DPY19L2: variants seen among roughly 807,000 people sequenced by gnomAD.
The protein encoded by DPY19L2 is dpy-19 like 2.
A neutral mutation model predicts 97.9 loss-of-function variants in DPY19L2; 34 were observed. That is an observed-to-expected ratio of 0.35 (90% CI 0.26 to 0.46). The LOEUF is 0.46. DPY19L2 is among the 20% of genes least tolerant of loss of function. DPY19L2 has a pLI of 1.00. For missense variants in DPY19L2, 623 were observed against 911.4 expected (o/e 0.68, Z 4.07); for synonymous variants, 230 against 307.9 (o/e 0.75, Z 2.65).
At chr12:63,638,325 T>A (rs567729761) in intron 6 of DPY19L2, among the ~76,000 whole-genome samples, 43 of 152,046 alleles carry the variant, frequency 2.8e-4, no homozygotes, top group Non-Finnish European at 5.9e-5. Context: ...CTCTCACCAC[T>A]CCTTTTCAAC....
At chr12:63,638,803 C>A (rs1023346959) in intron 6 of DPY19L2, among the ~76,000 whole-genome samples, 11 of 152,082 alleles carry the variant, frequency 7.2e-5, no homozygotes, top group Non-Finnish European at 1.3e-4. Context: ...GATTCAATGC[C>A]ATCCCCATCA....
rs746257892 is a variant in DPY19L2 at position 63,582,529 on chromosome 12, T to C, written c.1606-4A>G. The stretch of plus-strand genomic sequence containing the variant: ...ACTGCAATGTGTGAAAAGCCAGCTA[T>C]AAAACACAAATAAGACAAAATCACA... On this transcript the variant is annotated splice_polypyrimidine_tract_variant and splice_region_variant and intron_variant, in intron 17 of 21. Transcript: ENST00000324472. The C allele has an allele frequency of 3.1e-6, 5 of 1,605,442 alleles. No homozygotes were observed. In the South Asian group the frequency reaches 3.4e-5, roughly 11 times the overall value.
intron 4 of DPY19L2, among the ~76,000 whole-genome samples, chr12:63,658,071 G>C (rs947476082): frequency 6.6e-6 from 1 of 152,156 alleles, no homozygotes; most frequent in Non-Finnish European, 1.5e-5. Context: ...GTAGGAATGA[G>C]AGTGCCATCA....
chr12:63,629,474 T>A (rs906258395), intron 6 of DPY19L2, among the ~76,000 whole-genome samples: 9 of 152,018 alleles, frequency 5.9e-5, no homozygotes, highest in Non-Finnish European at 1.2e-4. Flanking sequence ...CAGTGATGGA[T>A]GATCAAATGA....
At chr12:63,644,563 T>A in intron 5 of DPY19L2, 67 bp from the exon 6 acceptor site, 3 of 1,568,232 alleles carry the variant, frequency 1.9e-6, no homozygotes, top group Non-Finnish European at 2.6e-6. Flanking sequence ...GGCATAATTA[T>A]CTCAGTGCTT....
intron 5 of DPY19L2, among the ~76,000 whole-genome samples, chr12:63,646,169 A>G (rs1893383824): frequency 6.6e-6 from 1 of 152,194 alleles, no homozygotes; most frequent in African/African-American, 2.4e-5. Context: ...CCCTTACAGC[A>G]TAAGCTCTAT....
intron 6 of DPY19L2, among the ~76,000 whole-genome samples, chr12:63,643,009 C>A (rs1892913407): frequency 6.6e-6 from 1 of 151,802 alleles, no homozygotes; most frequent in Non-Finnish European, 1.5e-5. Context: ...GAATATCATG[C>A]TTTTAATGCT....
At chr12:63,661,565 C>CT (rs1895684357) in intron 3 of DPY19L2, 84 bp from the exon 4 acceptor site, 16 of 746,194 alleles carry the variant, frequency 2.1e-5, no homozygotes, top group African/African-American at 1.2e-4. Context: ...AACTTTTTTT[C>CT]TGAAAAAAAA....
intron 3 of DPY19L2, among the ~76,000 whole-genome samples, chr12:63,662,848 G>T (rs1368809299): frequency 6.6e-6 from 1 of 152,122 alleles, no homozygotes; most frequent in Non-Finnish European, 1.5e-5. Context: ...GCAATATAGG[G>T]ATGAAAATTA....
chr12:63,626,189 G>A (rs1460383802), intron 7 of DPY19L2, among the ~76,000 whole-genome samples: 1 of 151,318 alleles, frequency 6.6e-6, no homozygotes, highest in Non-Finnish European at 1.5e-5. Flanking sequence ...TAATGTGCAT[G>A]ATATGATTCA....
intron 4 of DPY19L2, among the ~76,000 whole-genome samples, chr12:63,650,845 A>G (rs1269328921): frequency 1.3e-5 from 2 of 152,208 alleles, no homozygotes; most frequent in Non-Finnish European, 2.9e-5. Flanking sequence ...ACTATTCTAA[A>G]ACTTATATGG....
At chr12:63,644,898 G>A (rs1435931030) in intron 5 of DPY19L2, among the ~76,000 whole-genome samples, 1 of 152,052 alleles carries the variant, frequency 6.6e-6, no homozygotes, top group Non-Finnish European at 1.5e-5. Context: ...GTCTGGAACT[G>A]TCTGTAGAAC....
intron 4 of DPY19L2, among the ~76,000 whole-genome samples, chr12:63,650,094 A>G (rs1893992907): frequency 6.6e-6 from 1 of 152,206 alleles, no homozygotes; most frequent in Admixed American, 6.5e-5. Flanking sequence ...ATAGATGCAG[A>G]AAAGACTTTT....
intron 16 of DPY19L2, chr12:63,584,281 T>G (rs916770453): frequency 6.5e-6 from 1 of 153,180 alleles, no homozygotes; most frequent in African/African-American, 2.4e-5. Context: ...TTCCTTAGCA[T>G]AAATTTCCAG....
chr12:63,596,368 T>C (rs866039004), intron 14 of DPY19L2, among the ~76,000 whole-genome samples: 2 of 152,142 alleles, frequency 1.3e-5, no homozygotes, highest in African/African-American at 4.8e-5. Flanking sequence ...GGGTCCTACG[T>C]TGTAACTTTC....
chr12:63,607,222 A>AT (rs1338180809), intron 12 of DPY19L2, among the ~76,000 whole-genome samples: 3 of 151,838 alleles, frequency 2.0e-5, no homozygotes, highest in South Asian at 2.1e-4. Flanking sequence ...CCTTGGCAGA[A>AT]TTTTTTTTGA....
chr12:63,594,647 CGTGTCT>C (rs201123679), intron 15 of DPY19L2, among the ~76,000 whole-genome samples: 4,453 of 124,276 alleles, frequency 0.036, 101 homozygotes, highest in Middle Eastern at 0.1. Flanking sequence ...CGTGTGTGTG[CGTGTCT>C]GTGTGTGTGT....
intron 9 of DPY19L2, among the ~76,000 whole-genome samples, chr12:63,620,767 A>T (rs1261587134): frequency 6.6e-6 from 1 of 152,194 alleles, no homozygotes; most frequent in East Asian, 1.9e-4. Flanking sequence ...CCATGTCTTC[A>T]TTGCAGCACT....
chr12:63,615,412 T>C (rs1300290412), intron 11 of DPY19L2, among the ~76,000 whole-genome samples: 1 of 152,180 alleles, frequency 6.6e-6, no homozygotes, highest in African/African-American at 2.4e-5. Context: ...AGAGACATTA[T>C]GTGCCTTTTA....
Sources: allele counts gnomAD v4.1 joint callset (sites outside exome capture counted in the v4.1 genomes callset), GRCh38; gene constraint gnomAD v4.1.1; transcripts MANE v1.5; gene names NCBI Gene and HGNC (gene_info 2026-07-23, HGNC 2026-07-21).